Variants in SLIT1 observed in about 807,000 individuals in gnomAD.
SLIT1 encodes slit homolog 1 protein.
Under a neutral mutation model 186.1 loss-of-function variants are expected in SLIT1, and 66 were observed. The ratio of observed to expected loss-of-function variants is 0.35; its 90% CI spans 0.29 to 0.44. The LOEUF is 0.44. SLIT1 is among the 20% of genes least tolerant of loss of function. The pLI is 1.00. For synonymous variants in SLIT1, 761 were observed against 833.8 expected, an observed-to-expected ratio of 0.91 and a Z score of 1.50; for missense variants, 1,638 against 2,037.4, an observed-to-expected ratio of 0.80 and a Z score of 3.77.
At position 97,001,330 on chromosome 10, in the gene SLIT1, G is replaced by C. The variant is rs766162059; in HGVS notation, c.4387C>G (p.Pro1463Ala). The change falls in exon 37 of 37, where the codon CCT becomes GCT. Residue 1463 changes from proline to alanine, a missense_variant. Pro to Ala is a conservative substitution (Grantham distance 27). Coordinates refer to ENST00000266058, the MANE Select transcript of SLIT1 (RefSeq NM_003061.3). ...CEQESECRGD[P>A]VRDFHQVQRG... ...TGGACCTGGTGAAAGTCCCGGACAG[G>C]GTCCCCCCGGCACTCGGACTCTGGA... 2.5e-6 allele frequency: 4 copies of C among 1,612,600 alleles called. No homozygotes were observed. In the African/African-American group the frequency reaches 4.0e-5, roughly 16 times the overall value.
chr10:97,159,177 C>T (rs1849994142), intron 3 of SLIT1, among the ~76,000 whole-genome samples: 1 of 152,170 alleles, frequency 6.6e-6, no homozygotes, highest in Non-Finnish European at 1.5e-5. Context: ...AGGGGAAAAA[C>T]TTAATTCCAT....
chr10:97,076,565 C>T (rs896467435), intron 4 of SLIT1, among the ~76,000 whole-genome samples: 1 of 152,178 alleles, frequency 6.6e-6, no homozygotes, highest in Non-Finnish European at 1.5e-5. Flanking sequence ...CTCAAGTGCC[C>T]CAGATCTACC....
intron 27 of SLIT1, 137 bp from the exon 28 acceptor site, chr10:97,018,820 C>T (rs996093710): frequency 7.2e-6 from 4 of 559,174 alleles, no homozygotes; most frequent in Non-Finnish European, 1.3e-5. Context: ...TCGTCCACTT[C>T]ATTCATTCAT....
At chr10:97,161,811 C>T (rs951695525) in intron 3 of SLIT1, among the ~76,000 whole-genome samples, 1 of 152,188 alleles carries the variant, frequency 6.6e-6, no homozygotes, top group Non-Finnish European at 1.5e-5. Flanking sequence ...AAGTCATCTT[C>T]ATTAAGAGCT....
intron 4 of SLIT1, among the ~76,000 whole-genome samples, chr10:97,106,407 C>CGAACGAATGAAT (rs1554851567): frequency 2.0e-3 from 146 of 74,140 alleles, no homozygotes; most frequent in African/African-American, 4.7e-3. Flanking sequence ...AATGAATGAA[C>CGAACGAATGAAT]GAATGAATGA....
intron 4 of SLIT1, among the ~76,000 whole-genome samples, chr10:97,108,172 C>A (rs1185453558): frequency 3.3e-5 from 5 of 152,158 alleles, no homozygotes; most frequent in Admixed American, 2.6e-4. Context: ...GGGGTGGCAT[C>A]AGCACCCTGT....
At chr10:97,105,057 C>A (rs1411137250) in intron 4 of SLIT1, among the ~76,000 whole-genome samples, 1 of 152,150 alleles carries the variant, frequency 6.6e-6, no homozygotes, top group Non-Finnish European at 1.5e-5. Flanking sequence ...TCCTATTTGG[C>A]CCCCTCCATG....
chr10:97,156,555 T>A (rs1849954728), intron 4 of SLIT1, among the ~76,000 whole-genome samples: 1 of 152,162 alleles, frequency 6.6e-6, no homozygotes, highest in Non-Finnish European at 1.5e-5. Context: ...TCGGCCTGGG[T>A]GACAGAGCAA....
At chr10:97,140,498 G>T (rs967894616) in intron 4 of SLIT1, among the ~76,000 whole-genome samples, 2 of 152,176 alleles carry the variant, frequency 1.3e-5, no homozygotes, top group African/African-American at 4.8e-5. Context: ...GGGCCCCCAA[G>T]TTGCCTGGAG....
chr10:97,126,496 G>A (rs1849605208), intron 4 of SLIT1, among the ~76,000 whole-genome samples: 1 of 152,156 alleles, frequency 6.6e-6, no homozygotes, highest in Non-Finnish European at 1.5e-5. Context: ...TCACCACCTT[G>A]CTTCCCAGGA....
chr10:97,078,924 C>CAGTT (rs1465089109), intron 4 of SLIT1, among the ~76,000 whole-genome samples: 2 of 152,212 alleles, frequency 1.3e-5, no homozygotes, highest in African/African-American at 4.8e-5. Flanking sequence ...CTACAAGGAA[C>CAGTT]AGTTAGGACC....
intron 1 of SLIT1, among the ~76,000 whole-genome samples, chr10:97,181,078 A>G (rs1293539048): frequency 6.6e-6 from 1 of 152,190 alleles, no homozygotes; most frequent in African/African-American, 2.4e-5. Context: ...CCCGTTTTAC[A>G]GATGGGGAAA....
rs114865820 is a variant in SLIT1, at chr10:97,138,381, G to A, written c.413+19437C>T. On this transcript the variant is annotated intron_variant, in intron 4 of 36. Transcript: ENST00000266058. ...TTCACCTCCACTATCAACAGATGGCGCTTATCAGCGAGGGATGCACTCTTG... is the reference window on the plus strand; with the variant it reads ...TTCACCTCCACTATCAACAGATGGCACTTATCAGCGAGGGATGCACTCTTG... Among the ~76,000 whole-genome samples, 190 of 152,350 alleles carry A rather than the reference G, an allele frequency of 1.2e-3. 1 individual carries two copies. Among genetic ancestry groups the A allele is most frequent in the African/African-American group, 4.1e-3 (171 of 41,580 alleles).
chr10:97,164,722 C>T, intron 2 of SLIT1, 97 bp downstream of exon 2: 1 of 904,796 alleles, frequency 1.1e-6, no homozygotes, highest in Non-Finnish European at 1.8e-6. Flanking sequence ...TAGAGGGGCC[C>T]AGACAGCCCA....
intron 4 of SLIT1, among the ~76,000 whole-genome samples, chr10:97,076,915 C>T (rs186363459): frequency 2.0e-5 from 3 of 152,278 alleles, no homozygotes; most frequent in Admixed American, 2.0e-4. Context: ...GAGTGGGTCC[C>T]GCCTGCCACA....
At chr10:97,018,894 T>G in intron 27 of SLIT1, 89 bp downstream of exon 27, 1 of 758,446 alleles carries the variant, frequency 1.3e-6, no homozygotes, top group Non-Finnish European at 2.2e-6. Context: ...AAGCATCTGC[T>G]CTGAGTCAGG....
chr10:97,086,556 T>C (rs1347435785), intron 4 of SLIT1, among the ~76,000 whole-genome samples: 1 of 151,984 alleles, frequency 6.6e-6, no homozygotes, highest in African/African-American at 2.4e-5. Flanking sequence ...CCAGCCTGGG[T>C]GACAGAGCAA....
intron 4 of SLIT1, among the ~76,000 whole-genome samples, chr10:97,150,527 TC>T (rs1265541363): frequency 2.0e-5 from 3 of 151,932 alleles, no homozygotes; most frequent in African/African-American, 4.8e-5. Context: ...GTTATGGTGG[TC>T]CTTACAGCAG....
intron 4 of SLIT1, among the ~76,000 whole-genome samples, chr10:97,129,740 T>C (rs1449783227): frequency 6.6e-6 from 1 of 152,126 alleles, no homozygotes; most frequent in East Asian, 1.9e-4. Flanking sequence ...CTTCACTCCC[T>C]CATCCTGCCC....
Sources: gnomAD v4.1 joint callset for allele counts (sites outside exome capture counted in the v4.1 genomes callset) on GRCh38, gnomAD v4.1.1 for gene constraint, MANE v1.5 for transcripts, NCBI Gene and HGNC (gene_info 2026-07-23, HGNC 2026-07-21) for gene names.